MOS: variants seen among roughly 807,000 people sequenced by gnomAD.
The protein encoded by MOS is proto-oncogene serine/threonine-protein kinase mos.
For synonymous variants in MOS, 190 were observed against 205.2 expected (o/e 0.93, Z 0.63); for missense variants, 419 against 459.6 (o/e 0.91, Z 0.81).
In MOS at chr8:56,113,842, C is replaced by G. The variant is rs1257102881; in HGVS notation, c.141G>C (p.Pro47=). 6.2e-7 allele frequency: 1 copy of G among 1,609,636 alleles called. No individual in the cohort carries two copies. Among genetic ancestry groups the G allele is most frequent in the Non-Finnish European group, 8.5e-7 (1 of 1,179,056 alleles). The change falls in exon 1 of 1, where the codon CCG becomes CCC. Residue 47 remains proline (P), a synonymous_variant. Coordinates refer to ENST00000311923, the MANE Select transcript of MOS (RefSeq NM_005372.1). This position sits in a 1 kb window ranked among gnomAD's most constrained non-coding sequence, Gnocchi z 5.7. ...CAATGGAGCACCAGGCCAGCCGGCGCGGCAGCCGCGGGGCCCGAGGAAGAG... is the reference window on the plus strand; with the variant it reads ...CAATGGAGCACCAGGCCAGCCGGCGGGGCAGCCGCGGGGCCCGAGGAAGAG... ...GATLPRAPRL[P]RRLAWCSIDW...
chr8:56,113,445 T>G lies in MOS; in HGVS notation c.538A>C (p.Lys180Gln). 1 of 1,613,980 alleles carries G rather than the reference T, an allele frequency of 6.2e-7. No individual in the cohort carries two copies. The highest frequency in any genetic ancestry group is 8.5e-7 in the Non-Finnish European group (1 of 1,179,994). ...GGQLSLGKCL[K>Q]YSLDVVNGLL... ...CCGTTCACAACATCTAGTGAGTACT[T>G]GAGACACTTTCCCAAACTTAACTGT... is the stretch of plus-strand genomic sequence containing the variant. Residue 180 changes from lysine to glutamine, a missense_variant, in exon 1 of 1, where the codon AAG becomes CAG. Physicochemically the swap from Lys to Gln is moderately conservative, Grantham distance 53. Coordinates refer to ENST00000311923, the MANE Select transcript of MOS (RefSeq NM_005372.1). The surrounding 1 kb of genome is among the most constrained non-coding windows in gnomAD (Gnocchi z 5.7).
At position 56,113,784 on chromosome 8, in the gene MOS, C is replaced by T. The variant is rs772890185; in HGVS notation, c.199G>A (p.Gly67Arg). 9.9e-6 allele frequency: 16 copies of T among 1,613,750 alleles called. No homozygotes were observed. The highest frequency in any genetic ancestry group is 1.4e-5 in the Non-Finnish European group (16 of 1,179,962). ...WEQVCLLQRL[G>R]AGGFGSVYKA... ...TACACCGAGCCAAACCCTCCAGCTCCCAGCCTCTGCAGCAAGCACACCTGC... is the reference window on the plus strand; with the variant it reads ...TACACCGAGCCAAACCCTCCAGCTCTCAGCCTCTGCAGCAAGCACACCTGC... Residue 67 changes from glycine to arginine, a missense_variant, in exon 1 of 1, where the codon GGA (glycine) becomes AGA (arginine). Transcript: ENST00000311923. This position sits in a 1 kb window ranked among gnomAD's most constrained non-coding sequence, Gnocchi z 5.7.
chr8:56,112,987 C>A lies in MOS; in HGVS notation c.996G>T (p.Arg332=). Residue 332 remains arginine (R), a synonymous_variant, in exon 1 of 1, where the codon CGG becomes CGT. Coordinates refer to ENST00000311923, the MANE Select transcript of MOS (RefSeq NM_005372.1). ...RPSAAQRPSA[R]LLLVDLTSLK... Reference sequence around the variant, plus strand: ...AAGAGGTGAGATCCACCAAAAGCAGCCGCGCGCTCGGCCTCTGCGCCGCGC... The same window carrying A: ...AAGAGGTGAGATCCACCAAAAGCAGACGCGCGCTCGGCCTCTGCGCCGCGC... The A allele has an allele frequency of 6.3e-7, 1 of 1,575,174 alleles. No individual in the cohort carries two copies. Among genetic ancestry groups the A allele is most frequent in the Non-Finnish European group, 8.6e-7 (1 of 1,162,174 alleles).
In MOS at chr8:56,113,867, G is replaced by T. The variant is rs778411090; in HGVS notation, c.116C>A (p.Thr39Asn). Reference sequence around the variant, plus strand: ...CGGCAGCCGCGGGGCCCGAGGAAGAGTGGCCCCCAGAAGCAGCTTCGCAGG... The same window carrying T: ...CGGCAGCCGCGGGGCCCGAGGAAGATTGGCCCCCAGAAGCAGCTTCGCAGG... Reference protein sequence around the residue: ...ELPAKLLLGATLPRAPRLPRR... With the variant: ...ELPAKLLLGANLPRAPRLPRR... The change falls in exon 1 of 1, where the codon ACT (threonine) becomes AAT (asparagine). Residue 39 changes from threonine to asparagine, a missense_variant. By Grantham distance (65) the Thr-to-Asn change is moderately conservative (BLOSUM62 0). Coordinates refer to ENST00000311923, the MANE Select transcript of MOS (RefSeq NM_005372.1). The surrounding 1 kb of genome is among the most constrained non-coding windows in gnomAD (Gnocchi z 5.7). The T allele has an allele frequency of 3.1e-6, 5 of 1,604,478 alleles. No individual in the cohort carries two copies. Among genetic ancestry groups the T allele is most frequent in the South Asian group, 1.1e-5 (1 of 90,142 alleles).
chr8:56,113,070 C>A lies in MOS; in HGVS notation c.913G>T (p.Glu305Ter), dbSNP rs1174348312. 6.2e-7 allele frequency: 1 copy of A among 1,603,758 alleles called. No homozygotes were observed. Among genetic ancestry groups the A allele is most frequent in the East Asian group, 2.2e-5 (1 of 44,686 alleles). Residue 305 changes from glutamate to a stop codon, truncating the protein, a stop_gained, in exon 1 of 1, where the codon GAG becomes TAG. Coordinates refer to ENST00000311923, the MANE Select transcript of MOS (RefSeq NM_005372.1). LOFTEE classifies it low-confidence loss of function (END_TRUNC). This position sits in a 1 kb window ranked among gnomAD's most constrained non-coding sequence, Gnocchi z 5.7. Reference sequence around the variant, plus strand: ...AGGCGCTGCCCGGGGAGCGAGTCCTCGAAGACGGCAGCGGAGAGGGACGGG... The same window carrying A: ...AGGCGCTGCCCGGGGAGCGAGTCCTAGAAGACGGCAGCGGAGAGGGACGGG... ...LRPSLSAAVF[E>*]DSLPGQRLGD...
Position 56,112,970 on chromosome 8 carries a change from A to G in MOS, c.1013T>C (p.Leu338Pro). The G allele has an allele frequency of 6.4e-7, 1 of 1,566,882 alleles. No homozygotes were observed. Among genetic ancestry groups the G allele is most frequent in the Non-Finnish European group, 8.6e-7 (1 of 1,158,722 alleles). ...GCCGAGTTCAGCTTTCAAAGAGGTG[A>G]GATCCACCAAAAGCAGCCGCGCGCT... ...RPSARLLLVD[L>P]TSLKAELG The change falls in exon 1 of 1, where the codon CTC becomes CCC. Residue 338 changes from leucine to proline, a missense_variant. Physicochemically the swap from Leu to Pro is moderately conservative, Grantham distance 98. Transcript: ENST00000311923.
rs753977054 is a variant in MOS at position 56,113,629 on chromosome 8, C to T, written c.354G>A (p.Val118=). ...NVARLRHDNI[V]RVVAASTRTP... ...TGCGCGTGCTGGCAGCCACCACGCG[C>T]ACGATGTTATCGTGGCGCAGCCTTG... The change falls in exon 1 of 1, where the codon GTG becomes GTA. Residue 118 remains valine (V), a synonymous_variant. Coordinates refer to ENST00000311923, the MANE Select transcript of MOS (RefSeq NM_005372.1). The surrounding 1 kb of genome is among the most constrained non-coding windows in gnomAD (Gnocchi z 5.7). 1 of 1,613,166 alleles carries T rather than the reference C, an allele frequency of 6.2e-7. No individual in the cohort carries two copies. The highest frequency in any genetic ancestry group is 2.2e-5 in the East Asian group (1 of 44,848).
At position 56,113,307 on chromosome 8, in the gene MOS, A is replaced by T; in HGVS notation, c.676T>A (p.Leu226Met). The change falls in exon 1 of 1, where the codon TTG (leucine) becomes ATG (methionine). Residue 226 changes from leucine to methionine, a missense_variant. Coordinates refer to ENST00000311923, the MANE Select transcript of MOS (RefSeq NM_005372.1). The surrounding 1 kb of genome is among the most constrained non-coding windows in gnomAD (Gnocchi z 5.7). ...GTCTGGAAGCACAGCAGATCTTCCA[A>T]CTTCTCAGAGCAACCGAAGTCACTA... ...KISDFGCSEK[L>M]EDLLCFQTPS... 1 of 1,613,958 alleles carries T rather than the reference A, an allele frequency of 6.2e-7. No individual in the cohort carries two copies. The highest frequency in any genetic ancestry group is 1.6e-4 in the Middle Eastern group (1 of 6,062).
At position 56,113,322 on chromosome 8, in the gene MOS, C is replaced by A; in HGVS notation, c.661G>T (p.Gly221Cys). The stretch of plus-strand genomic sequence containing the variant: ...AGATCTTCCAACTTCTCAGAGCAAC[C>A]GAAGTCACTAATTTTACAGACATCC... ...EQDVCKISDFGCSEKLEDLLC... is the reference protein window; with the variant it reads ...EQDVCKISDFCCSEKLEDLLC... The change falls in exon 1 of 1, where the codon GGT becomes TGT. Residue 221 changes from glycine to cysteine, a missense_variant. Coordinates refer to ENST00000311923, the MANE Select transcript of MOS (RefSeq NM_005372.1). This position sits in a 1 kb window ranked among gnomAD's most constrained non-coding sequence, Gnocchi z 5.7. 1.2e-6 allele frequency: 2 copies of A among 1,614,018 alleles called. No individual in the cohort carries two copies. The highest frequency in any genetic ancestry group is 1.7e-6 in the Non-Finnish European group (2 of 1,180,036).
In MOS at chr8:56,113,184, T is replaced by C; in HGVS notation, c.799A>G (p.Ile267Val). The part of the protein sequence containing the change: ...TPKADIYSFA[I>V]TLWQMTTKQA... ...TTGGTAGTCATTTGCCAGAGAGTGA[T>C]GGCAAAGGAATAAATGTCGGCTTTA... is the stretch of plus-strand genomic sequence containing the variant. The change falls in exon 1 of 1, where the codon ATC becomes GTC. Residue 267 changes from isoleucine (I) to valine (V), a missense_variant. Ile to Val is a conservative substitution (Grantham distance 29). Coordinates refer to ENST00000311923, the MANE Select transcript of MOS (RefSeq NM_005372.1). This position sits in a 1 kb window ranked among gnomAD's most constrained non-coding sequence, Gnocchi z 5.7. 1.9e-6 allele frequency: 3 copies of C among 1,614,054 alleles called. No individual in the cohort carries two copies. The highest frequency in any genetic ancestry group is 2.5e-6 in the Non-Finnish European group (3 of 1,180,042).
Position 56,113,698 on chromosome 8 carries a change from G to T in MOS, c.285C>A (p.Asn95Lys), listed in dbSNP as rs774064952. 3 of 1,614,014 alleles carry T rather than the reference G, an allele frequency of 1.9e-6. No homozygotes were observed. In the East Asian group the frequency reaches 6.7e-5, roughly 36 times the overall value. Residue 95 changes from asparagine (N) to lysine (K), a missense_variant, in exon 1 of 1, where the codon AAC becomes AAA. By Grantham distance (94) the Asn-to-Lys change is moderately conservative (BLOSUM62 0). Coordinates refer to ENST00000311923, the MANE Select transcript of MOS (RefSeq NM_005372.1). This position sits in a 1 kb window ranked among gnomAD's most constrained non-coding sequence, Gnocchi z 5.7. ...AGAAACTCCGCCGAGATGCTAGTCGGTTCTTGGTGCACTTGTTCACTTGCT... is the reference window on the plus strand; with the variant it reads ...AGAAACTCCGCCGAGATGCTAGTCGTTTCTTGGTGCACTTGTTCACTTGCT... Reference protein sequence around the residue: ...AIKQVNKCTKNRLASRRSFWA... With the variant: ...AIKQVNKCTKKRLASRRSFWA...
chr8:56,113,594 C>G lies in MOS; in HGVS notation c.389G>C (p.Gly130Ala), dbSNP rs750095075. Residue 130 changes from glycine to alanine, a missense_variant, in exon 1 of 1, where the codon GGG becomes GCG. By Grantham distance (60) the Gly-to-Ala change is moderately conservative. Coordinates refer to ENST00000311923, the MANE Select transcript of MOS (RefSeq NM_005372.1). The surrounding 1 kb of genome is among the most constrained non-coding windows in gnomAD (Gnocchi z 5.7). ...VVAASTRTPA[G>A]SNSLGTIIME... ...GATGATGGTCCCTAGGCTATTGGACCCTGCGGGCGTGCGCGTGCTGGCAGC... is the reference window on the plus strand; with the variant it reads ...GATGATGGTCCCTAGGCTATTGGACGCTGCGGGCGTGCGCGTGCTGGCAGC... 3.0e-5 allele frequency: 48 copies of G among 1,612,982 alleles called. No individual in the cohort carries two copies. Among genetic ancestry groups the G allele is most frequent in the Non-Finnish European group, 3.6e-5 (43 of 1,179,808 alleles).
Position 56,113,139 on chromosome 8 carries a change from C to T in MOS, c.844G>A (p.Glu282Lys). Residue 282 changes from glutamate to lysine, a missense_variant, in exon 1 of 1, where the codon GAG becomes AAG. Coordinates refer to ENST00000311923, the MANE Select transcript of MOS (RefSeq NM_005372.1). The surrounding 1 kb of genome is among the most constrained non-coding windows in gnomAD (Gnocchi z 5.7). ...ACCGCGTACAGTATGTGCTGCCGCT[C>T]CCCCGAATACGGCGCCTGCTTGGTA... is the stretch of plus-strand genomic sequence containing the variant. ...MTTKQAPYSG[E>K]RQHILYAVVA... 6.2e-7 allele frequency: 1 copy of T among 1,614,000 alleles called. No homozygotes were observed. Among genetic ancestry groups the T allele is most frequent in the Non-Finnish European group, 8.5e-7 (1 of 1,180,008 alleles).
At position 56,113,138 on chromosome 8, in the gene MOS, T is replaced by TC. The variant is rs1810520952; in HGVS notation, c.844dup (p.Glu282GlyfsTer63). ...CACCGCGTACAGTATGTGCTGCCGC[T>TC]CCCCCGAATACGGCGCCTGCTTGGT... On this transcript the variant is annotated frameshift_variant, in exon 1 of 1. Coordinates refer to ENST00000311923, the MANE Select transcript of MOS (RefSeq NM_005372.1). LOFTEE classifies it low-confidence loss of function (END_TRUNC). This position sits in a 1 kb window ranked among gnomAD's most constrained non-coding sequence, Gnocchi z 5.7. The TC allele has an allele frequency of 1.9e-6, 3 of 1,613,936 alleles. No individual in the cohort carries two copies. In the East Asian group the frequency reaches 6.7e-5, roughly 36 times the overall value.
Position 56,113,156 on chromosome 8 carries a change from T to C in MOS, c.827A>G (p.Gln276Arg). Residue 276 changes from glutamine to arginine, a missense_variant, in exon 1 of 1, where the codon CAG becomes CGG. By Grantham distance (43) the Gln-to-Arg change is conservative. Coordinates refer to ENST00000311923, the MANE Select transcript of MOS (RefSeq NM_005372.1). The surrounding 1 kb of genome is among the most constrained non-coding windows in gnomAD (Gnocchi z 5.7). ...AITLWQMTTK[Q>R]APYSGERQHI... ...CTGCCGCTCCCCCGAATACGGCGCCTGCTTGGTAGTCATTTGCCAGAGAGT... is the reference window on the plus strand; with the variant it reads ...CTGCCGCTCCCCCGAATACGGCGCCCGCTTGGTAGTCATTTGCCAGAGAGT... The C allele has an allele frequency of 6.2e-7, 1 of 1,614,032 alleles. No individual in the cohort carries two copies. The highest frequency in any genetic ancestry group is 1.1e-5 in the South Asian group (1 of 91,080).
In MOS at chr8:56,113,436, G is replaced by C; in HGVS notation, c.547C>G (p.Leu183Val). ...AAGAGCAGGCCGTTCACAACATCTA[G>C]TGAGTACTTGAGACACTTTCCCAAA... ...LSLGKCLKYS[L>V]DVVNGLLFLH... Residue 183 changes from leucine (L) to valine (V), a missense_variant, in exon 1 of 1, where the codon CTA (leucine) becomes GTA (valine). By Grantham distance (32) the Leu-to-Val change is conservative. Coordinates refer to ENST00000311923, the MANE Select transcript of MOS (RefSeq NM_005372.1). The surrounding 1 kb of genome is among the most constrained non-coding windows in gnomAD (Gnocchi z 5.7). The C allele has an allele frequency of 6.2e-7, 1 of 1,614,086 alleles. No homozygotes were observed. The highest frequency in any genetic ancestry group is 8.5e-7 in the Non-Finnish European group (1 of 1,180,028).
Position 56,113,414 on chromosome 8 carries a change from A to G in MOS, c.569T>C (p.Leu190Pro). ...CACAATGCTTTGCGAGTGGAGGAAG[A>G]GCAGGCCGTTCACAACATCTAGTGA... Reference protein sequence around the residue: ...KYSLDVVNGLLFLHSQSIVHL... With the variant: ...KYSLDVVNGLPFLHSQSIVHL... The change falls in exon 1 of 1, where the codon CTC (leucine) becomes CCC (proline). Residue 190 changes from leucine (L) to proline (P), a missense_variant. By Grantham distance (98) the Leu-to-Pro change is moderately conservative. Transcript: ENST00000311923. This position sits in a 1 kb window ranked among gnomAD's most constrained non-coding sequence, Gnocchi z 5.7. The G allele has an allele frequency of 6.2e-7, 1 of 1,614,122 alleles. No homozygotes were observed. The highest frequency in any genetic ancestry group is 8.5e-7 in the Non-Finnish European group (1 of 1,180,030).
At position 56,113,944 on chromosome 8, in the gene MOS, G is replaced by C. The variant is rs1393758016; in HGVS notation, c.39C>G (p.Ser13Arg). 2.5e-6 allele frequency: 4 copies of C among 1,575,764 alleles called. No homozygotes were observed. Among genetic ancestry groups the C allele is most frequent in the East Asian group, 2.2e-5 (1 of 44,688 alleles). The change falls in exon 1 of 1, where the codon AGC becomes AGG. Residue 13 changes from serine to arginine, a missense_variant. By Grantham distance (110) the Ser-to-Arg change is moderately radical. Transcript: ENST00000311923. The surrounding 1 kb of genome is among the most constrained non-coding windows in gnomAD (Gnocchi z 5.7). The part of the protein sequence containing the change: ...SPLALRPYLR[S>R]EFSPSVDARP... ...GCGCGTCCACCGATGGGGAAAACTC[G>C]CTCCGGAGGTAGGGGCGTAGGGCCA... is the stretch of plus-strand genomic sequence containing the variant.
chr8:56,113,015 G>T lies in MOS; in HGVS notation c.968C>A (p.Pro323His). ...CGCGCTCGGCCTCTGCGCCGCGCTG[G>T]GTCTCCAGCAGCGCTGGATGACGTC... ...LGDVIQRCWR[P>H]SAAQRPSARL... The change falls in exon 1 of 1, where the codon CCC (proline) becomes CAC (histidine). Residue 323 changes from proline to histidine, a missense_variant. Pro to His is a moderately conservative substitution (Grantham distance 77). Coordinates refer to ENST00000311923, the MANE Select transcript of MOS (RefSeq NM_005372.1). This position sits in a 1 kb window ranked among gnomAD's most constrained non-coding sequence, Gnocchi z 5.7. The T allele has an allele frequency of 1.3e-6, 2 of 1,583,350 alleles. No individual in the cohort carries two copies. Among genetic ancestry groups the T allele is most frequent in the Non-Finnish European group, 1.7e-6 (2 of 1,165,894 alleles).
Sources: allele counts gnomAD v4.1 joint callset, GRCh38; gene constraint gnomAD v4.1.1; non-coding constraint Gnocchi (gnomAD v3.1); transcripts MANE v1.5; gene names NCBI Gene and HGNC (gene_info 2026-07-23, HGNC 2026-07-21).